PCDHA1: variants seen among roughly 807,000 people sequenced by gnomAD.
PCDHA1 encodes protocadherin alpha 1.
Under a neutral mutation model 61.3 loss-of-function variants are expected in PCDHA1, and 42 were observed. The observed-to-expected ratio is 0.69, with a 90% CI of 0.54 to 0.89. PCDHA1 has a LOEUF of 0.89. Among genes scored for constraint, PCDHA1 ranks in the 40% least tolerant of loss-of-function variants. PCDHA1 has a pLI of 0.00. For missense variants in PCDHA1, 1,256 were observed against 1,235.3 expected, an observed-to-expected ratio of 1.02 and a Z score of -0.25; for synonymous variants, 610 against 553.8, an observed-to-expected ratio of 1.10 and a Z score of -1.43.
intron 1 of PCDHA1, chr5:140,877,976 C>T: frequency 8.0e-7 from 1 of 1,255,054 alleles, no homozygotes. Flanking sequence ...GTCATTCTTA[C>T]TCATTTTGAA....
chr5:140,914,042 T>C (rs2076573370), intron 1 of PCDHA1, among the ~76,000 whole-genome samples: 1 of 152,222 alleles, frequency 6.6e-6, no homozygotes, highest in South Asian at 2.1e-4. Context: ...AGAATGTGTA[T>C]TCTGCAGCTG....
At position 140,851,057 on chromosome 5, in the gene PCDHA1, C is replaced by T; in HGVS notation, c.2394+62373C>T. The T allele has an allele frequency of 2.9e-6, 4 of 1,378,132 alleles. No homozygotes were observed. In the African/African-American group the frequency reaches 4.4e-5, roughly 15 times the overall value. 85.4% of individuals were successfully genotyped at this position (1,378,132 alleles called of 1,614,324 possible). ...AACATTGGAGCCGACTTTGTCTTGA[C>T]TTCTAGTGAGAATTATAAACTGTAT... On this transcript the variant is annotated intron_variant, in intron 1 of 3. Transcript: ENST00000504120.
intron 1 of PCDHA1, chr5:140,869,931 G>C (rs2051507983): frequency 6.2e-7 from 1 of 1,611,492 alleles, no homozygotes; most frequent in Admixed American, 1.7e-5. Flanking sequence ...TCAATGGAGA[G>C]GTAACATACT....
chr5:140,803,163 G>T, intron 1 of PCDHA1: 1 of 1,613,882 alleles, frequency 6.2e-7, no homozygotes, highest in Admixed American at 1.7e-5. Flanking sequence ...GGACCACGGT[G>T]AACCCTCATT....
chr5:140,997,375 G>A (rs983164883), intron 3 of PCDHA1, among the ~76,000 whole-genome samples: 1 of 152,066 alleles, frequency 6.6e-6, no homozygotes, highest in Non-Finnish European at 1.5e-5. Flanking sequence ...AGATGATATA[G>A]CATACTACAC....
intron 3 of PCDHA1, among the ~76,000 whole-genome samples, chr5:141,008,894 A>G (rs782674482): frequency 9.9e-5 from 15 of 152,254 alleles, no homozygotes; most frequent in Non-Finnish European, 1.8e-4. Context: ...TGTTATTACA[A>G]TAAAATTAAG....
intron 1 of PCDHA1, chr5:140,847,692 T>C (rs1011959129): frequency 1.3e-5 from 2 of 149,872 alleles, no homozygotes; most frequent in Non-Finnish European, 3.0e-5. Context: ...ACAACACATT[T>C]CTGGAAACAG....
At chr5:140,860,140 T>C (rs1451807345) in intron 1 of PCDHA1, 2 of 150,358 alleles carry the variant, frequency 1.3e-5, no homozygotes, top group African/African-American at 2.4e-5. Flanking sequence ...TGTGTATATA[T>C]ATGTATATAT....
intron 1 of PCDHA1, among the ~76,000 whole-genome samples, chr5:140,922,895 A>G (rs2153566398): frequency 6.6e-6 from 1 of 152,340 alleles, no homozygotes; most frequent in East Asian, 1.9e-4. Context: ...ATTCAAGAAA[A>G]AATTTTGAGA....
intron 1 of PCDHA1, chr5:140,870,265 C>G (rs782376161): frequency 6.2e-7 from 1 of 1,614,214 alleles, no homozygotes; most frequent in Non-Finnish European, 8.5e-7. Flanking sequence ...GACCTGCTCG[C>G]TGACGCCCCA....
At chr5:140,948,106 T>A (rs1383733772) in intron 1 of PCDHA1, among the ~76,000 whole-genome samples, 1 of 151,652 alleles carries the variant, frequency 6.6e-6, no homozygotes, top group Non-Finnish European at 1.5e-5. Context: ...TGATTTTTCT[T>A]CGTTTTACTA....
At chr5:140,822,105 C>A (rs2150113718) in intron 1 of PCDHA1, 68 of 1,614,128 alleles carry the variant, frequency 4.2e-5, no homozygotes, top group Non-Finnish European at 5.6e-5. Context: ...TGATCGTGGA[C>A]AGGCCGCTGC....
intron 1 of PCDHA1, among the ~76,000 whole-genome samples, chr5:140,872,635 C>T (rs1172137990): frequency 6.6e-6 from 1 of 152,028 alleles, no homozygotes; most frequent in Non-Finnish European, 1.5e-5. Context: ...GATTTTGTTC[C>T]ATGAAAAGGC....
At chr5:140,803,778 G>A (rs1554122966) in intron 1 of PCDHA1, 3 of 976,582 alleles carry the variant, frequency 3.1e-6, no homozygotes, top group East Asian at 5.2e-5. Context: ...CAAATCAGCA[G>A]TAAGTTATGA....
intron 3 of PCDHA1, among the ~76,000 whole-genome samples, chr5:141,007,932 A>T (rs150576416): frequency 3.9e-5 from 6 of 152,336 alleles, no homozygotes; most frequent in Non-Finnish European, 7.3e-5. Context: ...CTGGAATTCT[A>T]AGCCACCTTT....
chr5:140,814,885 G>A (rs1765613574), intron 1 of PCDHA1: 1 of 152,188 alleles, frequency 6.6e-6, no homozygotes. Context: ...GGGTGCATAT[G>A]TATTTATAAT....
chr5:140,809,212 G>A, intron 1 of PCDHA1: 1 of 1,614,038 alleles, frequency 6.2e-7, no homozygotes, highest in South Asian at 1.1e-5. Flanking sequence ...GTGGACAGGC[G>A]CCAAAGGCCT....
intron 1 of PCDHA1, among the ~76,000 whole-genome samples, chr5:140,959,596 A>G (rs2095498979): frequency 6.6e-6 from 1 of 152,224 alleles, no homozygotes; most frequent in Non-Finnish European, 1.5e-5. Flanking sequence ...AGCCAAGTAT[A>G]ACATGCTTTT....
rs1316558090 is a variant in PCDHA1, at chr5:140,876,786, G to A, written c.2394+88102G>A. 4 of 1,614,114 alleles carry A rather than the reference G, an allele frequency of 2.5e-6. No individual in the cohort carries two copies. In the African/African-American group the frequency reaches 5.3e-5, roughly 22 times the overall value. ...GGGGCTCGCCTTCGCTGTGGGCCAC[G>A]GCTAGAGTGTCCGTGGAGGTGGCCG... is the stretch of plus-strand genomic sequence containing the variant. On this transcript the variant is annotated intron_variant, in intron 1 of 3. Transcript: ENST00000504120.
Sources: gnomAD v4.1 joint callset for allele counts (sites outside exome capture counted in the v4.1 genomes callset) on GRCh38, gnomAD v4.1.1 for gene constraint, MANE v1.5 for transcripts, NCBI Gene and HGNC (gene_info 2026-07-23, HGNC 2026-07-21) for gene names.